The following CEP192 variants were observed in gnomAD, a reference collection of about 807,000 sequenced individuals.
CEP192 encodes the protein centrosomal protein 192.
In CEP192, 151 loss-of-function variants were observed where a neutral mutation model predicts 271.8. That is an observed-to-expected ratio of 0.56 (90% CI 0.49 to 0.64). The LOEUF is 0.64. Ranked by LOEUF, CEP192 falls within the 30% of genes least tolerant of loss-of-function variation. CEP192 has a pLI of 0.00. For missense variants in CEP192, 2,910 were observed against 3,020.5 expected, an observed-to-expected ratio of 0.96 and a Z score of 0.86; for synonymous variants, 995 against 1,076.5, an observed-to-expected ratio of 0.92 and a Z score of 1.48.
chr18:13,019,968 A>G (rs925121919), intron 9 of CEP192, among the ~76,000 whole-genome samples: 6 of 151,712 alleles, frequency 4.0e-5, no homozygotes, highest in African/African-American at 1.5e-4. Context: ...GCACATCACC[A>G]CCTGGTTAAT....
chr18:13,108,154 G>A (rs1056509619), intron 40 of CEP192, among the ~76,000 whole-genome samples: 1 of 152,072 alleles, frequency 6.6e-6, no homozygotes, highest in African/African-American at 2.4e-5. Context: ...TTAACTCAAG[G>A]TGGATTAAAT....
chr18:13,051,257 T>C (rs1160509334), intron 17 of CEP192, among the ~76,000 whole-genome samples: 1 of 152,206 alleles, frequency 6.6e-6, no homozygotes, highest in Non-Finnish European at 1.5e-5. Flanking sequence ...TTGAGATAAT[T>C]TCACCTAAAA....
intron 34 of CEP192, among the ~76,000 whole-genome samples, chr18:13,093,017 G>C (rs2039224702): frequency 6.6e-6 from 1 of 152,102 alleles, no homozygotes; most frequent in African/African-American, 2.4e-5. Context: ...AAGTTAGCCA[G>C]GCGTGGTGGT....
At chr18:13,109,021 T>G (rs766147519) in intron 40 of CEP192, among the ~76,000 whole-genome samples, 6 of 152,236 alleles carry the variant, frequency 3.9e-5, no homozygotes, top group Non-Finnish European at 7.3e-5. Context: ...GAGCTACTAT[T>G]CAACCCAGCA....
At chr18:13,030,700 C>G in intron 11 of CEP192, 92 bp downstream of exon 11, 1 of 931,420 alleles carries the variant, frequency 1.1e-6, no homozygotes. Flanking sequence ...CACATCAGAT[C>G]CCTTCTGGAC....
intron 34 of CEP192, among the ~76,000 whole-genome samples, chr18:13,094,864 G>A (rs1020819742): frequency 5.3e-5 from 8 of 152,122 alleles, no homozygotes; most frequent in East Asian, 1.9e-4. Flanking sequence ...TCCAGTACTC[G>A]ATCCCTAGCC....
At chr18:13,024,849 G>A (rs11664293) in intron 9 of CEP192, among the ~76,000 whole-genome samples, 4,209 of 150,838 alleles carry the variant, frequency 0.028, 82 homozygotes, top group Non-Finnish European at 0.042. Flanking sequence ...AGCTATCTGC[G>A]ACCTCCACCT....
chr18:13,003,453 A>C (rs1257669422), intron 3 of CEP192, among the ~76,000 whole-genome samples: 1 of 21,302 alleles, frequency 4.7e-5, no homozygotes, highest in South Asian at 2.0e-3. Context: ...TGTCTCAAGA[A>C]AAAAAAAAAA....
At chr18:13,037,404 T>C (rs1426166432) in intron 12 of CEP192, 103 bp downstream of exon 12, 3 of 529,166 alleles carry the variant, frequency 5.7e-6, no homozygotes, top group Non-Finnish European at 1.0e-5. Flanking sequence ...TAGTATAGAA[T>C]TATTTCATAT....
intron 4 of CEP192, among the ~76,000 whole-genome samples, chr18:13,009,715 C>T (rs1229704316): frequency 1.3e-5 from 2 of 152,308 alleles, no homozygotes; most frequent in East Asian, 3.9e-4. Flanking sequence ...TACCTGTAAT[C>T]CCAGCTACCC....
At chr18:13,042,388 C>T (rs2036258716) in intron 15 of CEP192, 54 bp downstream of exon 15, 1 of 1,582,686 alleles carries the variant, frequency 6.3e-7, no homozygotes, top group Non-Finnish European at 8.7e-7. Flanking sequence ...TAGTTCTTAT[C>T]TAGGATCAAG....
chr18:13,098,194 G>A (rs146225441), intron 36 of CEP192, among the ~76,000 whole-genome samples: 6,619 of 152,250 alleles, frequency 0.043, 214 homozygotes, highest in East Asian at 0.14. Flanking sequence ...CCAGGCAGAC[G>A]GGCTCCTCAC....
chr18:13,117,692 C>G lies in CEP192; in HGVS notation c.7475+49C>G, dbSNP rs780870161. On this transcript the variant is annotated intron_variant, in intron 44 of 44. Transcript: ENST00000506447. Reference sequence around the variant, plus strand: ...GTTCTCATCAGCGATGCAGGACTTTCGTCTCTTGGGAGTTGGGGCTTGTGA... The same window carrying G: ...GTTCTCATCAGCGATGCAGGACTTTGGTCTCTTGGGAGTTGGGGCTTGTGA... 4.1e-6 allele frequency: 6 copies of G among 1,451,986 alleles called. No individual in the cohort carries two copies. In the South Asian group the frequency reaches 5.8e-5, roughly 14 times the overall value. 89.9% of individuals were successfully genotyped at this position (1,451,986 alleles called of 1,614,324 possible).
chr18:13,044,668 T>C (rs887393006), intron 15 of CEP192, among the ~76,000 whole-genome samples: 15 of 152,206 alleles, frequency 9.9e-5, no homozygotes, highest in Non-Finnish European at 1.8e-4. Context: ...AGGGTTGTAA[T>C]GTGTTATCTT....
At chr18:13,058,724 C>T (rs1485789556) in intron 20 of CEP192, 1 of 203,442 alleles carries the variant, frequency 4.9e-6, no homozygotes, top group Non-Finnish European at 1.0e-5. Context: ...CCTGACTCTT[C>T]TTCCCCCCAG....
rs1024149684 is a variant in CEP192 at position 13,029,535 on chromosome 18, T to C, written c.1051-128T>C. The C allele has an allele frequency of 6.3e-6, 4 of 630,162 alleles. No homozygotes were observed. The East Asian group carries it at 1.1e-4, about 17-fold the overall frequency. 39.0% of individuals were successfully genotyped at this position (630,162 alleles called of 1,614,324 possible). A position where few individuals can be genotyped will look rare whatever the true frequency, so the allele number is the denominator to read the frequency against. On this transcript the variant is annotated intron_variant, in intron 9 of 44. Transcript: ENST00000506447. ...AGTCTAGAATACAGCGAATACTGTG[T>C]GTTCTCTTCTTTCATATAATAAACA...
chr18:13,104,932 A>T lies in CEP192; in HGVS notation c.6952-52A>T, dbSNP rs920694009. 2.3e-6 allele frequency: 3 copies of T among 1,301,714 alleles called. No homozygotes were observed. The African/African-American group carries it at 4.4e-5, about 19-fold the overall frequency. The allele number at this position is 1,301,714 out of a possible 1,614,324, so 80.6% of individuals were successfully genotyped here. The stretch of plus-strand genomic sequence containing the variant: ...ATAGAGGTAATAGTGTCTCTGTGGG[A>T]TTTATCCATTGGCTTTATGGTTTTT... On this transcript the variant is annotated intron_variant, in intron 39 of 44. Transcript: ENST00000506447.
In CEP192 at chr18:13,015,325, T is replaced by A; in HGVS notation, c.520-3T>A. ...CTCTTACTTGCCATTTTGTTTCTTA[T>A]AGATTGTTGTGCTTGATGCTGGAAA... is the stretch of plus-strand genomic sequence containing the variant. On this transcript the variant is annotated splice_polypyrimidine_tract_variant and splice_region_variant and intron_variant, in intron 5 of 44. Transcript: ENST00000506447. 1.3e-6 allele frequency: 2 copies of A among 1,550,422 alleles called. No homozygotes were observed. Among genetic ancestry groups the A allele is most frequent in the South Asian group, 1.2e-5 (1 of 83,952 alleles).
intron 8 of CEP192, 73 bp from the exon 9 acceptor site, chr18:13,019,009 G>A (rs1425459418): frequency 7.4e-7 from 1 of 1,360,158 alleles, no homozygotes; most frequent in Non-Finnish European, 9.8e-7. Context: ...AATTTGACTG[G>A]CAAGAATCAG....
Sources: gnomAD v4.1 joint callset for allele counts (sites outside exome capture counted in the v4.1 genomes callset) on GRCh38, gnomAD v4.1.1 for gene constraint, MANE v1.5 for transcripts, NCBI Gene and HGNC (gene_info 2026-07-23, HGNC 2026-07-21) for gene names.